ILRUN: variants seen among roughly 807,000 people sequenced by gnomAD.
ILRUN encodes the protein protein ILRUN.
In ILRUN, 3 loss-of-function variants were observed where a neutral mutation model predicts 33.8. That is an observed-to-expected ratio of 0.09 (90% CI 0.04 to 0.23). The LOEUF (loss-of-function observed/expected upper bound fraction) is 0.23, where lower values mean the gene tolerates loss of function less well. ILRUN is among the 10% of genes least tolerant of loss of function. The pLI is 1.00. For missense variants in ILRUN, 210 were observed against 375.1 expected, an observed-to-expected ratio of 0.56 and a Z score of 3.64; for synonymous variants, 124 against 138.9, an observed-to-expected ratio of 0.89 and a Z score of 0.75.
chr6:34,662,254 C>A (rs566279030), intron 1 of ILRUN, among the ~76,000 whole-genome samples: 1 of 147,232 alleles, frequency 6.8e-6, no homozygotes, highest in African/African-American at 2.5e-5. Flanking sequence ...TGCAGTGAGC[C>A]GAGATCGCGC....
intron 4 of ILRUN, among the ~76,000 whole-genome samples, chr6:34,601,385 T>C (rs1761503758): frequency 6.6e-6 from 1 of 151,586 alleles, no homozygotes; most frequent in African/African-American, 2.4e-5. Context: ...CTTTGAACCA[T>C]CTTTAAACCT....
Position 34,668,013 on chromosome 6 carries a change from T to C in ILRUN, c.159-13234A>G, listed in dbSNP as rs983947357. On this transcript the variant is annotated intron_variant, in intron 1 of 4. Coordinates refer to ENST00000374023, the MANE Select transcript of ILRUN (RefSeq NM_024294.4). ...ATGTTAAATTCCTTCAGAGTGACAA[T>C]AGTACTGTAGTCATGTAGAATGATG... Among the ~76,000 whole-genome samples the C allele has an allele frequency of 4.6e-5, 7 of 152,302 alleles. No homozygotes were observed. In the South Asian group the frequency reaches 6.2e-4, roughly 14 times the overall value.
At chr6:34,678,693 A>G (rs1338952773) in intron 1 of ILRUN, among the ~76,000 whole-genome samples, 3 of 151,812 alleles carry the variant, frequency 2.0e-5, no homozygotes, top group Non-Finnish European at 4.4e-5. Context: ...TAAAAATACA[A>G]AAATACAAAA....
intron 2 of ILRUN, among the ~76,000 whole-genome samples, chr6:34,651,789 C>CTTTTTT (rs11288958): frequency 2.9e-5 from 3 of 102,802 alleles, no homozygotes; most frequent in Admixed American, 1.1e-4. Flanking sequence ...TTCCAAAAAA[C>CTTTTTT]TTTTTTTTTT....
chr6:34,592,259 T>A lies in ILRUN; in HGVS notation c.862-1659A>T, dbSNP rs1043429122. Among the ~76,000 whole-genome samples, 1 of 152,252 alleles carries A rather than the reference T, an allele frequency of 6.6e-6. No individual in the cohort carries two copies. On this transcript the variant is annotated intron_variant, in intron 4 of 4. Coordinates refer to ENST00000374023, the MANE Select transcript of ILRUN (RefSeq NM_024294.4). The surrounding 1 kb of genome is among the most constrained non-coding windows in gnomAD (Gnocchi z 4.0). ...TGCAGTAGCACCTAACATGTTCTCTTTAGCCCTCACAAAGATCCAAGGAGA... is the reference window on the plus strand; with the variant it reads ...TGCAGTAGCACCTAACATGTTCTCTATAGCCCTCACAAAGATCCAAGGAGA...
At chr6:34,683,487 CATATATATATACAT>C (rs1309323157) in intron 1 of ILRUN, among the ~76,000 whole-genome samples, 16 of 81,882 alleles carry the variant, frequency 2.0e-4, no homozygotes, top group South Asian at 6.4e-4. Context: ...TATATATATA[CATATATATATACAT>C]ATATATATAT....
chr6:34,679,114 C>T (rs930472225), intron 1 of ILRUN, among the ~76,000 whole-genome samples: 4 of 145,486 alleles, frequency 2.7e-5, no homozygotes, highest in Non-Finnish European at 6.0e-5. Context: ...CAAACCTGCA[C>T]GTGTACCTCC....
intron 3 of ILRUN, among the ~76,000 whole-genome samples, chr6:34,613,592 T>C (rs1761805342): frequency 6.6e-6 from 1 of 152,240 alleles, no homozygotes; most frequent in Non-Finnish European, 1.5e-5. Flanking sequence ...GGATGTTATA[T>C]AGTGGGAACA....
intron 3 of ILRUN, chr6:34,616,561 G>C: frequency 6.8e-7 from 1 of 1,466,896 alleles, no homozygotes; most frequent in South Asian, 1.1e-5. Flanking sequence ...AAGAGAAGAA[G>C]GTTCCTGCTG....
At chr6:34,647,311 A>C (rs1762578822) in intron 2 of ILRUN, among the ~76,000 whole-genome samples, 1 of 152,218 alleles carries the variant, frequency 6.6e-6, no homozygotes, top group South Asian at 2.1e-4. Flanking sequence ...CTGAGGTATG[A>C]CTTTTCTTCT....
At position 34,590,184 on chromosome 6, in the gene ILRUN, T is replaced by C. The variant is rs766016726; in HGVS notation, c.*381A>G. 1.3e-4 allele frequency: 22 copies of C among 167,222 alleles called. No individual in the cohort carries two copies. Among genetic ancestry groups the C allele is most frequent in the Non-Finnish European group, 2.6e-4 (20 of 75,934 alleles). 10.4% of individuals were successfully genotyped at this position (167,222 alleles called of 1,614,324 possible). A position where few individuals can be genotyped will look rare whatever the true frequency, so the allele number is the denominator to read the frequency against. ...GGGGAAAGAGGGAAAAAAATTAACA[T>C]GTGCTCAAAACTACAACCTTTCTGT... On this transcript the variant is annotated 3_prime_UTR_variant, in exon 5 of 5. Transcript: ENST00000374023.
chr6:34,627,705 T>A (rs889405725), intron 3 of ILRUN, among the ~76,000 whole-genome samples: 3 of 85,842 alleles, frequency 3.5e-5, no homozygotes, highest in Non-Finnish European at 6.9e-5. Flanking sequence ...TCTTTGGCCC[T>A]TTTTTTTTTT....
At chr6:34,687,318 C>G (rs980460116) in intron 1 of ILRUN, among the ~76,000 whole-genome samples, 1 of 151,906 alleles carries the variant, frequency 6.6e-6, no homozygotes, top group Non-Finnish European at 1.5e-5. Context: ...AAAATATGTT[C>G]GTATAATTAG....
chr6:34,637,864 C>CTGCTGTTGTTGTTGTTGTTGTTGT (rs749114775), intron 3 of ILRUN, among the ~76,000 whole-genome samples: 28 of 142,018 alleles, frequency 2.0e-4, no homozygotes, highest in African/African-American at 6.5e-4. Context: ...GCTGCTGCTG[C>CTGCTGTTGTTGTTGTTGTTGTTGT]TGTTGTTGTT....
chr6:34,611,895 G>A (rs1761761705), intron 3 of ILRUN, among the ~76,000 whole-genome samples: 1 of 152,082 alleles, frequency 6.6e-6, no homozygotes, highest in South Asian at 2.1e-4. Flanking sequence ...AATACCCAGG[G>A]AACTAAAGCT....
intron 3 of ILRUN, among the ~76,000 whole-genome samples, chr6:34,645,879 A>G (rs1291667475): frequency 6.6e-6 from 1 of 152,192 alleles, no homozygotes; most frequent in African/African-American, 2.4e-5. Context: ...CCCAGGGTAA[A>G]GTTGAGAATA....
intron 3 of ILRUN, among the ~76,000 whole-genome samples, chr6:34,623,899 T>C (rs1292388474): frequency 6.6e-6 from 1 of 152,206 alleles, no homozygotes; most frequent in African/African-American, 2.4e-5. Context: ...TGTCACAATC[T>C]CGGCTCACCG....
chr6:34,652,613 A>C (rs1344430345), intron 2 of ILRUN, among the ~76,000 whole-genome samples: 2 of 152,222 alleles, frequency 1.3e-5, no homozygotes, highest in East Asian at 3.8e-4. Context: ...AAACCAAATC[A>C]ATAAAAGGTC....
intron 1 of ILRUN, among the ~76,000 whole-genome samples, chr6:34,687,387 G>A (rs1763544245): frequency 6.6e-6 from 1 of 152,068 alleles, no homozygotes; most frequent in Non-Finnish European, 1.5e-5. Context: ...CCACTAAGAT[G>A]GCTATAGTTT....
Sources: allele counts gnomAD v4.1 joint callset (sites outside exome capture counted in the v4.1 genomes callset), GRCh38; gene constraint gnomAD v4.1.1; non-coding constraint Gnocchi (gnomAD v3.1); transcripts MANE v1.5; gene names NCBI Gene and HGNC (gene_info 2026-07-23, HGNC 2026-07-21).